Variants in PHLPP1 observed in about 807,000 individuals in gnomAD.
PHLPP1 encodes the protein PH domain and leucine rich repeat protein phosphatase 1.
A neutral mutation model predicts 117.2 loss-of-function variants in PHLPP1; 42 were observed. The observed-to-expected ratio is 0.36, with a 90% CI of 0.28 to 0.46. PHLPP1 has a LOEUF of 0.46. Ranked by LOEUF, PHLPP1 falls within the 20% of genes least tolerant of loss-of-function variation. The pLI is 1.00. For missense variants in PHLPP1, 2,084 were observed against 2,241.9 expected (o/e 0.93, Z 1.42); for synonymous variants, 1,042 against 970.7 (o/e 1.07, Z -1.37).
rs558693840 is a variant in PHLPP1 at position 62,869,464 on chromosome 18, G to T, written c.2066+8863G>T. Among the ~76,000 whole-genome samples, 9 of 152,288 alleles carry T rather than the reference G, an allele frequency of 5.9e-5. No homozygotes were observed. In the South Asian group the frequency reaches 1.9e-3, roughly 32 times the overall value. ...GTACACATATGAGGAAGAGAATATT[G>T]CCAGCACTCCAGAAGCTGTCCTTGT... On this transcript the variant is annotated intron_variant, in intron 4 of 16. Transcript: ENST00000262719.
At chr18:62,965,502 C>G (rs1022438936) in intron 14 of PHLPP1, among the ~76,000 whole-genome samples, 7 of 147,736 alleles carry the variant, frequency 4.7e-5, no homozygotes, top group African/African-American at 1.5e-4. Context: ...TCTTGTCGCC[C>G]AGGCCGGAGT....
chr18:62,781,393 A>G (rs1913115677), intron 1 of PHLPP1, among the ~76,000 whole-genome samples: 1 of 152,174 alleles, frequency 6.6e-6, no homozygotes, highest in Admixed American at 6.5e-5. Context: ...GACAGTAGAC[A>G]GGTGTCTGCT....
intron 1 of PHLPP1, among the ~76,000 whole-genome samples, chr18:62,765,208 C>T (rs187944176): frequency 6.6e-6 from 1 of 152,272 alleles, no homozygotes; most frequent in African/African-American, 2.4e-5. Context: ...GTTGATTGGA[C>T]CTACCCCATC....
intron 1 of PHLPP1, among the ~76,000 whole-genome samples, chr18:62,739,957 G>A (rs1009220542): frequency 6.6e-6 from 1 of 152,128 alleles, no homozygotes. Flanking sequence ...CTGAATTTTT[G>A]GAGGATTGAT....
rs552161972 is a variant in PHLPP1 at position 62,863,192 on chromosome 18, CTCTTCTTTTCTT to C, written c.2066+2608_2066+2619del. Among the ~76,000 whole-genome samples, 247 of 151,682 alleles carry C rather than the reference CTCTTCTTTTCTT, an allele frequency of 1.6e-3. 1 individual carries two copies. The highest frequency in any genetic ancestry group is 0.016 in the East Asian group (81 of 5,158). On this transcript the variant is annotated intron_variant, in intron 4 of 16. Coordinates refer to ENST00000262719, the MANE Select transcript of PHLPP1 (RefSeq NM_194449.4). ...CTCTCTCTCTCTCTCTTTTCTCTCT[CTCTTCTTTTCTT>C]TCTTCTTTTCTTTCTTTCTTTTTTT... is the stretch of plus-strand genomic sequence containing the variant.
At chr18:62,905,363 A>T in intron 8 of PHLPP1, 79 bp downstream of exon 8, 1 of 648,076 alleles carries the variant, frequency 1.5e-6, no homozygotes, top group East Asian at 3.2e-5. Flanking sequence ...ATGCACAAGT[A>T]CTTTTTAATA....
intron 10 of PHLPP1, among the ~76,000 whole-genome samples, chr18:62,935,699 C>T (rs1909948734): frequency 2.0e-5 from 3 of 152,118 alleles, no homozygotes; most frequent in African/African-American, 7.2e-5. Flanking sequence ...GGAAGTATAT[C>T]TAACATCAAG....
At chr18:62,834,538 G>C (rs1392258597) in intron 2 of PHLPP1, among the ~76,000 whole-genome samples, 2 of 152,142 alleles carry the variant, frequency 1.3e-5, no homozygotes, top group East Asian at 3.8e-4. Context: ...TTGGAGCTCG[G>C]TTACTGGGCT....
At chr18:62,815,359 G>C (rs181797110) in intron 1 of PHLPP1, among the ~76,000 whole-genome samples, 4 of 151,870 alleles carry the variant, frequency 2.6e-5, no homozygotes, top group Admixed American at 6.6e-5. Context: ...GGGTTTCACC[G>C]TGTTAGCCAG....
chr18:62,740,402 T>C (rs751345793), intron 1 of PHLPP1, among the ~76,000 whole-genome samples: 14 of 152,322 alleles, frequency 9.2e-5, no homozygotes, highest in Non-Finnish European at 1.6e-4. Flanking sequence ...ATTCTTAGAT[T>C]ATCATAATAA....
At chr18:62,938,994 C>CTTTCTTTTTT (rs368316862) in intron 10 of PHLPP1, among the ~76,000 whole-genome samples, 58 of 128,674 alleles carry the variant, frequency 4.5e-4, no homozygotes, top group East Asian at 1.4e-3. Flanking sequence ...TTCTTTCTTT[C>CTTTCTTTTTT]TTTTTTTTTT....
chr18:62,900,241 G>A (rs1916675846), intron 6 of PHLPP1, among the ~76,000 whole-genome samples: 1 of 151,602 alleles, frequency 6.6e-6, no homozygotes, highest in Non-Finnish European at 1.5e-5. Context: ...AGGTTGCAGT[G>A]GGCCAAGATC....
At chr18:62,947,897 G>T (rs545251449) in intron 12 of PHLPP1, among the ~76,000 whole-genome samples, 178 of 152,066 alleles carry the variant, frequency 1.2e-3, no homozygotes, top group African/African-American at 3.9e-3. Context: ...ATGGTGGTTG[G>T]CACCTGTAAT....
At chr18:62,859,277 T>C (rs532524423) in intron 3 of PHLPP1, among the ~76,000 whole-genome samples, 1 of 152,316 alleles carries the variant, frequency 6.6e-6, no homozygotes, top group African/African-American at 2.4e-5. Context: ...TTAGCATAAA[T>C]TGGCACTGTG....
intron 10 of PHLPP1, among the ~76,000 whole-genome samples, chr18:62,924,168 T>TA (rs1254450467): frequency 6.6e-6 from 1 of 152,244 alleles, no homozygotes; most frequent in African/African-American, 2.4e-5. Context: ...TGTTGGATGA[T>TA]ACAAAGCTGT....
intron 1 of PHLPP1, among the ~76,000 whole-genome samples, chr18:62,765,985 G>A (rs1302452744): frequency 4.9e-5 from 7 of 143,860 alleles, no homozygotes; most frequent in African/African-American, 1.3e-4. Context: ...GCGACAGAGC[G>A]AGAAGGGGGA....
At chr18:62,898,021 C>CTCTT (rs907564145) in intron 6 of PHLPP1, among the ~76,000 whole-genome samples, 19 of 152,042 alleles carry the variant, frequency 1.2e-4, no homozygotes, top group Admixed American at 6.6e-4. Context: ...CTCCCTTCTC[C>CTCTT]TCTTTCTCCT....
intron 1 of PHLPP1, among the ~76,000 whole-genome samples, chr18:62,818,010 ACGCC>A (rs1914342640): frequency 1.3e-5 from 2 of 151,810 alleles, no homozygotes; most frequent in Admixed American, 6.6e-5. Context: ...GTGCACCACC[ACGCC>A]CAGCTAATTT....
chr18:62,889,733 T>C (rs1402163739), intron 4 of PHLPP1: 5 of 152,214 alleles, frequency 3.3e-5, no homozygotes, highest in African/African-American at 1.2e-4. Context: ...AATTCCAGTC[T>C]CCTGCTTACT....
Sources: allele counts gnomAD v4.1 joint callset (sites outside exome capture counted in the v4.1 genomes callset), GRCh38; gene constraint gnomAD v4.1.1; transcripts MANE v1.5; gene names NCBI Gene and HGNC (gene_info 2026-07-23, HGNC 2026-07-21).